The following CDCA2 variants were observed in gnomAD, a reference collection of about 807,000 sequenced individuals.
CDCA2 encodes cell division cycle associated 2.
CDCA2 carries 44 observed loss-of-function variants against 67.0 expected under a neutral mutation model. The observed-to-expected ratio is 0.66, with a 90% CI of 0.52 to 0.84. The LOEUF (loss-of-function observed/expected upper bound fraction) is 0.84. Among genes scored for constraint, CDCA2 ranks in the 40% least tolerant of loss-of-function variants. The pLI, the probability that CDCA2 is intolerant of heterozygous loss-of-function variation, is 0.00. For synonymous variants in CDCA2, 447 were observed against 418.7 expected (o/e 1.07, Z -0.82); for missense variants, 1,253 against 1,203.2 (o/e 1.04, Z -0.61).
At chr8:25,478,886 GTGTATATATATA>G (rs1376600378) in intron 7 of CDCA2, among the ~76,000 whole-genome samples, 38 of 119,804 alleles carry the variant, frequency 3.2e-4, no homozygotes, top group East Asian at 9.9e-4. Context: ...TGTTGTGTGT[GTGTATATATATA>G]TATATATATA....
At position 25,479,745 on chromosome 8, in the gene CDCA2, C is replaced by T. The variant is rs1393750172; in HGVS notation, c.821-168C>T. ...ACTGACCGATGCTGCTTCTTTACCT[C>T]CTTTTCTGTTTCCAAATGAAATCCC... On this transcript the variant is annotated intron_variant, in intron 7 of 14. Coordinates refer to ENST00000330560, the MANE Select transcript of CDCA2 (RefSeq NM_152562.4). 1.1e-5 allele frequency: 7 copies of T among 644,380 alleles called. No homozygotes were observed. In the East Asian group the frequency reaches 1.9e-4, roughly 18 times the overall value. The allele number at this position is 644,380 out of a possible 1,614,324, so 39.9% of individuals were successfully genotyped here.
chr8:25,507,497 C>T lies in CDCA2; in HGVS notation c.2831C>T (p.Ser944Phe). Reference sequence around the variant, plus strand: ...TCTCCCATAAAAGAAACTGTGTCCTCCAGACAAAAACCGCAGATGGCACCT... The same window carrying T: ...TCTCCCATAAAAGAAACTGTGTCCTTCAGACAAAAACCGCAGATGGCACCT... Reference protein sequence around the residue: ...SMSPIKETVSSRQKPQMAPPV... With the variant: ...SMSPIKETVSFRQKPQMAPPV... The change falls in exon 15 of 15, where the codon TCC (serine) becomes TTC (phenylalanine). Residue 944 changes from serine (S) to phenylalanine (F), a missense_variant. Transcript: ENST00000330560. 1 of 1,613,824 alleles carries T rather than the reference C, an allele frequency of 6.2e-7. No homozygotes were observed. Among genetic ancestry groups the T allele is most frequent in the Non-Finnish European group, 8.5e-7 (1 of 1,179,936 alleles).
intron 13 of CDCA2, among the ~76,000 whole-genome samples, chr8:25,498,288 ACCT>A: frequency 6.6e-6 from 1 of 150,862 alleles, no homozygotes; most frequent in East Asian, 2.0e-4. Flanking sequence ...GCTCACTGCA[ACCT>A]CCTCCTCCCC....
At chr8:25,499,323 G>A (rs1235067274) in intron 13 of CDCA2, among the ~76,000 whole-genome samples, 2 of 34,278 alleles carry the variant, frequency 5.8e-5, no homozygotes, top group African/African-American at 2.4e-4. Flanking sequence ...TTTTTTTTTT[G>A]AGACAGAGTC....
chr8:25,483,275 A>G, intron 8 of CDCA2, 124 bp from the exon 9 acceptor site: 1 of 495,614 alleles, frequency 2.0e-6, no homozygotes, highest in Non-Finnish European at 3.4e-6. Flanking sequence ...TTGAAAATAA[A>G]GGTAATCTTT....
intron 4 of CDCA2, among the ~76,000 whole-genome samples, chr8:25,463,611 A>G (rs1275664129): frequency 6.6e-6 from 1 of 152,202 alleles, no homozygotes; most frequent in Non-Finnish European, 1.5e-5. Flanking sequence ...GATTAAAAAA[A>G]AAAAGGACCT....
At chr8:25,486,835 A>T (rs1586504092) in intron 11 of CDCA2, among the ~76,000 whole-genome samples, 1 of 152,256 alleles carries the variant, frequency 6.6e-6, no homozygotes, top group East Asian at 1.9e-4. Context: ...AGTGGTCAAA[A>T]TAAAATTTTC....
At chr8:25,505,665 A>C (rs577395368) in intron 14 of CDCA2, among the ~76,000 whole-genome samples, 3 of 152,310 alleles carry the variant, frequency 2.0e-5, no homozygotes, top group African/African-American at 7.2e-5. Context: ...CTTTTGGCTC[A>C]ACTTATGTTT....
chr8:25,483,537 G>C, intron 9 of CDCA2, 51 bp downstream of exon 9: 1 of 1,265,442 alleles, frequency 7.9e-7, no homozygotes, highest in East Asian at 2.3e-5. Context: ...TTTCATGTTA[G>C]TAAAACCTAG....
At position 25,460,933 on chromosome 8, in the gene CDCA2, G is replaced by A. The variant is rs191693672; in HGVS notation, c.232+379G>A. Among the ~76,000 whole-genome samples the A allele has an allele frequency of 6.2e-4, 94 of 152,218 alleles. 1 individual carries two copies. The highest frequency in any genetic ancestry group is 1.5e-3 in the South Asian group (7 of 4,820). On this transcript the variant is annotated intron_variant, in intron 3 of 14. Coordinates refer to ENST00000330560, the MANE Select transcript of CDCA2 (RefSeq NM_152562.4). Reference sequence around the variant, plus strand: ...TAAGAGAAAGTTTAAGAGCAATTAAGAAAATATAATACTGAAAGAGCAGGA... The same window carrying A: ...TAAGAGAAAGTTTAAGAGCAATTAAAAAAATATAATACTGAAAGAGCAGGA...
At chr8:25,490,234 T>A (rs1296926503) in intron 13 of CDCA2, among the ~76,000 whole-genome samples, 1 of 152,050 alleles carries the variant, frequency 6.6e-6, no homozygotes, top group African/African-American at 2.4e-5. Flanking sequence ...AAAGCACTCT[T>A]ACAAAGAATA....
At chr8:25,464,198 G>A (rs1049639481) in intron 4 of CDCA2, among the ~76,000 whole-genome samples, 2 of 152,196 alleles carry the variant, frequency 1.3e-5, no homozygotes, top group South Asian at 4.1e-4. Flanking sequence ...AGGATCGTTC[G>A]AAGCCAGGAG....
chr8:25,466,273 C>A lies in CDCA2; in HGVS notation c.486C>A (p.Thr162=), dbSNP rs777507215. The part of the protein sequence containing the change: ...FHSIKENEKM[T]GCLEFSEAGK... ...CCATAAAGGAAAACGAGAAAATGAC[C>A]GGCTGTCTGGAATTCTCAGAGGCAG... Residue 162 remains threonine, a synonymous_variant, in exon 5 of 15, where the codon ACC becomes ACA. Coordinates refer to ENST00000330560, the MANE Select transcript of CDCA2 (RefSeq NM_152562.4). The A allele has an allele frequency of 6.2e-7, 1 of 1,610,202 alleles. No individual in the cohort carries two copies. Among genetic ancestry groups the A allele is most frequent in the East Asian group, 2.2e-5 (1 of 44,728 alleles).
At position 25,460,418 on chromosome 8, in the gene CDCA2, T is replaced by G; in HGVS notation, c.96T>G (p.Ile32Met). Reference protein sequence around the residue: ...NASFILGTGKIVTPQKHAELP... With the variant: ...NASFILGTGKMVTPQKHAELP... ...CTTTCATTTTGGGAACTGGGAAGATTGTGACTCCTCAGAAGCATGCCGAAT... is the reference window on the plus strand; with the variant it reads ...CTTTCATTTTGGGAACTGGGAAGATGGTGACTCCTCAGAAGCATGCCGAAT... Residue 32 changes from isoleucine (I) to methionine (M), a missense_variant, in exon 3 of 15, where the codon ATT becomes ATG. Physicochemically the swap from Ile to Met is conservative, Grantham distance 10 (BLOSUM62 1). Transcript: ENST00000330560. 1 of 1,614,170 alleles carries G rather than the reference T, an allele frequency of 6.2e-7. No individual in the cohort carries two copies. The highest frequency in any genetic ancestry group is 1.6e-4 in the Middle Eastern group (1 of 6,062).
intron 13 of CDCA2, among the ~76,000 whole-genome samples, chr8:25,502,762 T>C (rs1238944198): frequency 2.6e-5 from 4 of 151,792 alleles, no homozygotes; most frequent in South Asian, 2.1e-4. Context: ...TAAAGCATCT[T>C]ATATATTTTT....
At chr8:25,494,032 G>T (rs1804111001) in intron 13 of CDCA2, among the ~76,000 whole-genome samples, 1 of 152,224 alleles carries the variant, frequency 6.6e-6, no homozygotes, top group Non-Finnish European at 1.5e-5. Flanking sequence ...AAACTATGGT[G>T]TTTCCACAAA....
intron 7 of CDCA2, among the ~76,000 whole-genome samples, chr8:25,472,883 T>C (rs1227031657): frequency 1.3e-5 from 2 of 152,192 alleles, no homozygotes; most frequent in Non-Finnish European, 2.9e-5. Flanking sequence ...AATTACTCTC[T>C]TAGTTATTTT....
chr8:25,473,780 C>T lies in CDCA2; in HGVS notation c.820+3800C>T, dbSNP rs578199070. On this transcript the variant is annotated intron_variant, in intron 7 of 14. Coordinates refer to ENST00000330560, the MANE Select transcript of CDCA2 (RefSeq NM_152562.4). ...TGATACATATTTTTTTCATTTCTTC[C>T]GGTTTTTATTTTTGTAAATATGCAT... Among the ~76,000 whole-genome samples, 13 of 152,154 alleles carry T rather than the reference C, an allele frequency of 8.5e-5. No individual in the cohort carries two copies. The South Asian group carries it at 2.1e-3, about 24-fold the overall frequency.
rs554023875 is a variant in CDCA2 at position 25,484,726 on chromosome 8, C to T, written c.1365+516C>T. 5.3e-5 allele frequency among the ~76,000 whole-genome samples: 8 copies of T among 151,980 alleles called. No homozygotes were observed. The South Asian group carries it at 8.3e-4, about 16-fold the overall frequency. ...CCCATATCCTCCCGTCTTAGCCTCC[C>T]GAGTAGCTGGGACATGGGCACACAT... On this transcript the variant is annotated intron_variant, in intron 10 of 14. Coordinates refer to ENST00000330560, the MANE Select transcript of CDCA2 (RefSeq NM_152562.4).
Sources: gnomAD v4.1 joint callset for allele counts (sites outside exome capture counted in the v4.1 genomes callset) on GRCh38, gnomAD v4.1.1 for gene constraint, MANE v1.5 for transcripts, NCBI Gene and HGNC (gene_info 2026-07-23, HGNC 2026-07-21) for gene names.